Variants in PAM observed in about 807,000 individuals in gnomAD.
PAM encodes the protein peptidyl-glycine alpha-amidating monooxygenase.
PAM carries 72 observed loss-of-function variants against 122.1 expected under a neutral mutation model. That is an observed-to-expected ratio of 0.59 (90% confidence interval 0.49 to 0.72). PAM has a LOEUF of 0.72. Ranked by LOEUF, PAM falls within the 30% of genes least tolerant of loss-of-function variation. The pLI is 0.00. For missense variants in PAM, 1,106 were observed against 1,183.7 expected (o/e 0.93, Z 0.96); for synonymous variants, 389 against 404.4 (o/e 0.96, Z 0.46).
intron 14 of PAM, among the ~76,000 whole-genome samples, chr5:102,973,305 T>C (rs969730455): frequency 3.4e-4 from 52 of 152,348 alleles, no homozygotes; most frequent in Non-Finnish European, 6.3e-4. Flanking sequence ...AGGGTTAAAA[T>C]ACTTCATGAA....
chr5:102,997,548 T>C (rs992312550), intron 16 of PAM, among the ~76,000 whole-genome samples: 7 of 152,036 alleles, frequency 4.6e-5, no homozygotes, highest in Admixed American at 1.3e-4. Context: ...ACTTACTCTG[T>C]CTTATTTTGT....
intron 1 of PAM, among the ~76,000 whole-genome samples, chr5:102,775,448 A>G (rs1374762728): frequency 6.6e-6 from 1 of 152,070 alleles, no homozygotes; most frequent in African/African-American, 2.4e-5. Context: ...TCACCTAGGT[A>G]TTAAGCCCCA....
intron 1 of PAM, among the ~76,000 whole-genome samples, chr5:102,862,923 C>T (rs73192726): frequency 0.047 from 7,096 of 151,832 alleles, 351 homozygotes; most frequent in East Asian, 0.18. Flanking sequence ...AATGAATACA[C>T]GACTGAATGG....
intron 7 of PAM, among the ~76,000 whole-genome samples, chr5:102,934,563 C>CGGAAAA (rs1752643213): frequency 6.6e-6 from 1 of 152,062 alleles, no homozygotes; most frequent in Non-Finnish European, 1.5e-5. Flanking sequence ...TTTTCTCTCC[C>CGGAAAA]TGACTCCCAT....
chr5:102,842,094 T>A (rs1778798678), intron 1 of PAM, among the ~76,000 whole-genome samples: 1 of 151,918 alleles, frequency 6.6e-6, no homozygotes, highest in African/African-American at 2.4e-5. Context: ...AGAACCATAA[T>A]TCTGATTCTG....
chr5:103,006,786 T>A lies in PAM; in HGVS notation c.1804-15T>A, dbSNP rs1233660806. 6.3e-7 allele frequency: 1 copy of A among 1,588,044 alleles called. No individual in the cohort carries two copies. The highest frequency in any genetic ancestry group is 1.7e-5 in the Admixed American group (1 of 58,984). On this transcript the variant is annotated splice_polypyrimidine_tract_variant and intron_variant, in intron 18 of 25. Coordinates refer to ENST00000438793, the MANE Select transcript of PAM (RefSeq NM_001177306.2). ...CCATGAAAAGTAGGTAAGGCTTTTG[T>A]TCCTTTTTAAAAAGGTGTTCAAACT...
At position 102,974,220 on chromosome 5, in the gene PAM, G is replaced by A; in HGVS notation, c.1267G>A (p.Val423Ile). ...AAAGGCAGAATCAGAGTCAGACCTG[G>A]TAGCTGAGATTGCAAATGTAGTCCA... is the stretch of plus-strand genomic sequence containing the variant. Reference protein sequence around the residue: ...TEKAESESDLVAEIANVVQKK... With the variant: ...TEKAESESDLIAEIANVVQKK... The change falls in exon 15 of 26, where the codon GTA becomes ATA. Residue 423 changes from valine to isoleucine, a missense_variant. Val to Ile is a conservative substitution (Grantham distance 29, BLOSUM62 3). Coordinates refer to ENST00000438793, the MANE Select transcript of PAM (RefSeq NM_001177306.2). 1 of 1,613,864 alleles carries A rather than the reference G, an allele frequency of 6.2e-7. No individual in the cohort carries two copies. The highest frequency in any genetic ancestry group is 8.5e-7 in the Non-Finnish European group (1 of 1,179,802).
intron 1 of PAM, among the ~76,000 whole-genome samples, chr5:102,772,290 C>A (rs1208232597): frequency 6.6e-6 from 1 of 151,920 alleles, no homozygotes; most frequent in South Asian, 2.1e-4. Flanking sequence ...TTTCTATAAC[C>A]CTGCAGTGTA....
At chr5:102,848,688 T>C (rs1309701679) in intron 1 of PAM, among the ~76,000 whole-genome samples, 1 of 151,828 alleles carries the variant, frequency 6.6e-6, no homozygotes, top group Non-Finnish European at 1.5e-5. Flanking sequence ...ATAATAGAAC[T>C]GAAACTAGAA....
intron 1 of PAM, among the ~76,000 whole-genome samples, chr5:102,864,286 T>C (rs1784948335): frequency 6.6e-6 from 1 of 151,724 alleles, no homozygotes; most frequent in African/African-American, 2.4e-5. Flanking sequence ...TTCCTGCCAA[T>C]TGTTTCTCTT....
intron 16 of PAM, among the ~76,000 whole-genome samples, chr5:102,996,518 T>G (rs902100635): frequency 3.9e-5 from 6 of 152,194 alleles, no homozygotes; most frequent in Admixed American, 6.5e-5. Flanking sequence ...CTTAGCAAGT[T>G]TAACATGTGT....
intron 12 of PAM, among the ~76,000 whole-genome samples, chr5:102,957,071 A>G (rs925606744): frequency 2.0e-5 from 3 of 152,176 alleles, no homozygotes; most frequent in Admixed American, 6.6e-5. Flanking sequence ...ATGGACAGAT[A>G]GAAGGATATA....
At chr5:102,895,368 C>A (rs763266836) in intron 3 of PAM, among the ~76,000 whole-genome samples, 4 of 151,696 alleles carry the variant, frequency 2.6e-5, no homozygotes, top group Non-Finnish European at 5.9e-5. Flanking sequence ...TTTATGAGGG[C>A]AGAGACTATG....
chr5:102,756,924 G>T (rs371933), intron 1 of PAM, among the ~76,000 whole-genome samples: 67,649 of 151,740 alleles, frequency 0.45, 15,226 homozygotes, highest in African/African-American at 0.49. Flanking sequence ...GCCTTCCAAG[G>T]TAACTTAAAG....
chr5:102,890,384 A>T (rs1209267497), intron 3 of PAM, among the ~76,000 whole-genome samples: 1 of 151,904 alleles, frequency 6.6e-6, no homozygotes, highest in African/African-American at 2.4e-5. Context: ...AATGATCATC[A>T]TTGCCGTGGT....
chr5:102,969,635 T>A (rs1465474986), intron 14 of PAM, among the ~76,000 whole-genome samples: 1 of 152,158 alleles, frequency 6.6e-6, no homozygotes, highest in Non-Finnish European at 1.5e-5. Context: ...TTTTCTGAGT[T>A]GATTTACTCA....
rs1393552543 is a variant in PAM, at chr5:103,019,801, C to T, written c.2443C>T (p.Arg815Ter). The change falls in exon 23 of 26, where the codon CGA (arginine) becomes TGA (stop). Residue 815 changes from arginine to a stop codon, truncating the protein, a stop_gained. Transcript: ENST00000438793. LOFTEE classifies it high-confidence loss of function. ...KFTLTEKLEH[R>*]SVKKAGIEVQ... ...TTGTGTTGTTACAGAATTGGAACATCGATCAGTTAAAAAGGCTGGCATTGA... is the reference window on the plus strand; with the variant it reads ...TTGTGTTGTTACAGAATTGGAACATTGATCAGTTAAAAAGGCTGGCATTGA... 3.1e-6 allele frequency: 5 copies of T among 1,605,624 alleles called. No homozygotes were observed. The highest frequency in any genetic ancestry group is 4.3e-6 in the Non-Finnish European group (5 of 1,172,612).
Position 102,949,476 on chromosome 5 carries a change from T to C in PAM, c.644-61T>C, listed in dbSNP as rs1758061191. ...TGAATACCCTATGCATAATTTTAGATAAGAATAATGTCATTTTCCAGTTGA... is the reference window on the plus strand; with the variant it reads ...TGAATACCCTATGCATAATTTTAGACAAGAATAATGTCATTTTCCAGTTGA... On this transcript the variant is annotated intron_variant, in intron 9 of 25. Transcript: ENST00000438793. 1.6e-5 allele frequency: 14 copies of C among 866,578 alleles called. No homozygotes were observed. The South Asian group carries it at 1.8e-4, about 11-fold the overall frequency. The allele number at this position is 866,578 out of a possible 1,614,324, so 53.7% of individuals were successfully genotyped here. A position where few individuals can be genotyped will look rare whatever the true frequency, so the allele number is the denominator to read the frequency against.
chr5:102,926,700 C>T (rs1009695506), intron 7 of PAM, 32 bp downstream of exon 7: 5 of 1,039,768 alleles, frequency 4.8e-6, no homozygotes, highest in Non-Finnish European at 7.6e-6. Context: ...CTAAGCAAAA[C>T]TTCTAGTACT....
Sources: gnomAD v4.1 joint callset for allele counts (sites outside exome capture counted in the v4.1 genomes callset) on GRCh38, gnomAD v4.1.1 for gene constraint, MANE v1.5 for transcripts, NCBI Gene and HGNC (gene_info 2026-07-23, HGNC 2026-07-21) for gene names.